Variants in EGFLAM observed in about 807,000 individuals in gnomAD.
EGFLAM encodes the protein EGF like, fibronectin type III and laminin G domains, also known as pikachurin.
EGFLAM carries 79 observed loss-of-function variants against 113.1 expected under a neutral mutation model. That is an observed-to-expected ratio of 0.70 (90% CI 0.58 to 0.84). The LOEUF (loss-of-function observed/expected upper bound fraction) is 0.84, where lower values mean the gene tolerates loss of function less well. Ranked by LOEUF, EGFLAM falls within the 40% of genes least tolerant of loss-of-function variation. The pLI is 0.00. For missense variants in EGFLAM, 1,265 were observed against 1,291.6 expected, an observed-to-expected ratio of 0.98 and a Z score of 0.32; for synonymous variants, 504 against 487.6, an observed-to-expected ratio of 1.03 and a Z score of -0.44.
At chr5:38,361,482 G>A (rs1739920090) in intron 5 of EGFLAM, among the ~76,000 whole-genome samples, 2 of 152,188 alleles carry the variant, frequency 1.3e-5, no homozygotes, top group African/African-American at 2.4e-5. Context: ...AATAGGTGCT[G>A]GTAAGCATTT....
Position 38,370,332 on chromosome 5 carries a change from G to A in EGFLAM, c.582G>A (p.Glu194=). ...DFDKKWTSIH[E]RIQMDSMVIK... The stretch of plus-strand genomic sequence containing the variant: ...ACAAGAAGTGGACCTCAATCCATGA[G>A]CGGATCCAGATGGACTCCATGGTTA... The change falls in exon 6 of 22, where the codon GAG becomes GAA. Residue 194 remains glutamate, a synonymous_variant. Coordinates refer to ENST00000322350, the MANE Select transcript of EGFLAM (RefSeq NM_152403.4). 6.2e-7 allele frequency: 1 copy of A among 1,614,150 alleles called. No individual in the cohort carries two copies.
chr5:38,389,590 GGTCTCTAAGCTGAAACATTA>G (rs1413535305), intron 6 of EGFLAM, among the ~76,000 whole-genome samples: 1 of 152,078 alleles, frequency 6.6e-6, no homozygotes, highest in Non-Finnish European at 1.5e-5. Context: ...TGTAGGGGTA[GGTCTCTAAGCTGAAACATTA>G]GTCCTTCCAA....
chr5:38,284,487 A>G (rs1314147068), intron 1 of EGFLAM, among the ~76,000 whole-genome samples: 1 of 152,190 alleles, frequency 6.6e-6, no homozygotes, highest in Non-Finnish European at 1.5e-5. Context: ...TTATGGATAC[A>G]AGGTGAGGGC....
chr5:38,333,620 G>A (rs1030378376), intron 1 of EGFLAM, among the ~76,000 whole-genome samples: 7 of 152,004 alleles, frequency 4.6e-5, no homozygotes, highest in African/African-American at 1.2e-4. Context: ...GTGTGTTCGT[G>A]TCCTTTGCCC....
chr5:38,410,648 T>C (rs1402623255), intron 10 of EGFLAM, among the ~76,000 whole-genome samples: 2 of 152,194 alleles, frequency 1.3e-5, no homozygotes, highest in Non-Finnish European at 2.9e-5. Context: ...AGATTCCACC[T>C]GTTAGGCATA....
At chr5:38,402,441 T>C (rs537077994) in intron 6 of EGFLAM, among the ~76,000 whole-genome samples, 12 of 152,182 alleles carry the variant, frequency 7.9e-5, no homozygotes, top group Admixed American at 1.3e-4. Context: ...ACTTAAGCGA[T>C]GTATGAAAAG....
intron 10 of EGFLAM, 139 bp downstream of exon 10, chr5:38,409,243 C>A (rs145511257): frequency 1.4e-6 from 1 of 724,576 alleles, no homozygotes. Context: ...GAGTATGAAC[C>A]AGTTTACCAA....
intron 18 of EGFLAM, among the ~76,000 whole-genome samples, 198 bp from the exon 19 acceptor site, chr5:38,451,117 C>T (rs1471501593): frequency 3.3e-5 from 5 of 152,188 alleles, no homozygotes; most frequent in Non-Finnish European, 7.3e-5. Context: ...GTTCACAGTG[C>T]TTGGGGAGAG....
chr5:38,397,400 C>T (rs967064002), intron 6 of EGFLAM, among the ~76,000 whole-genome samples: 6 of 152,126 alleles, frequency 3.9e-5, no homozygotes, highest in Non-Finnish European at 7.4e-5. Context: ...GTCACCCAGT[C>T]GCTCTTGTGA....
intron 1 of EGFLAM, among the ~76,000 whole-genome samples, chr5:38,309,333 G>C (rs1758805571): frequency 1.3e-5 from 2 of 152,172 alleles, no homozygotes; most frequent in Non-Finnish European, 2.9e-5. Context: ...GGGTCTTTCG[G>C]AAAAACTTTT....
At chr5:38,298,632 T>A (rs543823449) in intron 1 of EGFLAM, among the ~76,000 whole-genome samples, 1 of 152,200 alleles carries the variant, frequency 6.6e-6, no homozygotes, top group Non-Finnish European at 1.5e-5. Context: ...TATGTAAATA[T>A]ATTGACAAAC....
chr5:38,283,345 T>A (rs1758070034), intron 1 of EGFLAM, among the ~76,000 whole-genome samples: 1 of 152,214 alleles, frequency 6.6e-6, no homozygotes, highest in Non-Finnish European at 1.5e-5. Context: ...CAGTCTTCAT[T>A]GCTTATGATT....
chr5:38,399,620 T>A (rs17425708), intron 6 of EGFLAM, among the ~76,000 whole-genome samples: 23,654 of 152,040 alleles, frequency 0.16, 2,020 homozygotes, highest in Non-Finnish European at 0.17. Context: ...TTCAGAAATG[T>A]GGACCTACTG....
At chr5:38,295,571 T>C (rs1363792234) in intron 1 of EGFLAM, among the ~76,000 whole-genome samples, 1 of 152,222 alleles carries the variant, frequency 6.6e-6, no homozygotes, top group Non-Finnish European at 1.5e-5. Context: ...GTCTAGAATA[T>C]AATTGATTAA....
At chr5:38,450,846 G>T (rs1045297680) in intron 18 of EGFLAM, among the ~76,000 whole-genome samples, 1 of 152,188 alleles carries the variant, frequency 6.6e-6, no homozygotes, top group African/African-American at 2.4e-5. Flanking sequence ...GCCATCGCTT[G>T]GGTATTTTCC....
chr5:38,454,680 T>C (rs535716023), intron 19 of EGFLAM, among the ~76,000 whole-genome samples: 2 of 152,336 alleles, frequency 1.3e-5, no homozygotes, highest in South Asian at 2.1e-4. Context: ...AGTGAATTGT[T>C]CTACAGAGCA....
chr5:38,328,958 T>G (rs939567961), intron 1 of EGFLAM, among the ~76,000 whole-genome samples: 1 of 152,110 alleles, frequency 6.6e-6, no homozygotes, highest in Non-Finnish European at 1.5e-5. Flanking sequence ...TATATATTTT[T>G]AGTCTCTTTT....
At chr5:38,385,630 T>A (rs1380484614) in intron 6 of EGFLAM, among the ~76,000 whole-genome samples, 1 of 152,200 alleles carries the variant, frequency 6.6e-6, no homozygotes, top group Non-Finnish European at 1.5e-5. Flanking sequence ...GAAGTACATG[T>A]GCATATGTGC....
intron 16 of EGFLAM, among the ~76,000 whole-genome samples, chr5:38,437,553 A>C (rs73075484): frequency 0.014 from 2,168 of 152,250 alleles, 43 homozygotes; most frequent in African/African-American, 0.049. Flanking sequence ...GGTGACTCTC[A>C]AAAACTTTTT....
Sources: allele counts gnomAD v4.1 joint callset (sites outside exome capture counted in the v4.1 genomes callset), GRCh38; gene constraint gnomAD v4.1.1; transcripts MANE v1.5; gene names NCBI Gene and HGNC (gene_info 2026-07-23, HGNC 2026-07-21).